The following GPC3 variants were observed in gnomAD, a reference collection of about 807,000 sequenced individuals.
The protein encoded by GPC3 is glypican-3.
In GPC3, 3 loss-of-function variants were observed where a neutral mutation model predicts 34.4. The ratio of observed to expected loss-of-function variants is 0.09; its 90% CI spans 0.04 to 0.23. The LOEUF is 0.23. Among genes scored for constraint, GPC3 ranks in the 10% least tolerant of loss-of-function variants. The pLI is 1.00. For missense variants in GPC3, 351 were observed against 445.6 expected (o/e 0.79, Z 1.91); for synonymous variants, 177 against 174.0 (o/e 1.02, Z -0.13).
intron 2 of GPC3, among the ~76,000 whole-genome samples, chrX:133,908,163 C>T (rs2076178596): frequency 9.0e-6 from 1 of 111,446 alleles, no homozygotes; most frequent in Admixed American, 9.6e-5. Flanking sequence ...GGCCAAAAAA[C>T]AAAAAGCACC....
rs778326133 is a variant in GPC3 at position 133,643,831 on chromosome X, G to GTTTTTTTTTTTTTTT, written c.1413+17898_1413+17899insAAAAAAAAAAAAAAA. Among the ~76,000 whole-genome samples the GTTTTTTTTTTTTTTT allele has an allele frequency of 1.4e-4, 14 of 96,986 alleles. 2 individuals are homozygous for GTTTTTTTTTTTTTTT. Among genetic ancestry groups the GTTTTTTTTTTTTTTT allele is most frequent in the African/African-American group, 5.6e-4 (14 of 25,055 alleles). The allele number at this position is 96,986 out of a possible 115,157, so 84.2% of individuals were successfully genotyped here. On this transcript the variant is annotated intron_variant, in intron 6 of 7. Coordinates refer to ENST00000370818, the MANE Select transcript of GPC3 (RefSeq NM_004484.4). ...ACATTTGGATTGCTTTTGTTTTTAT[G>GTTTTTTTTTTTTTTT]TTTTTTTTTTTTTTGAGACGGGGTT...
At chrX:133,600,192 T>C (rs2069965500) in intron 6 of GPC3, among the ~76,000 whole-genome samples, 1 of 112,034 alleles carries the variant, frequency 8.9e-6, no homozygotes, top group African/African-American at 3.2e-5. Flanking sequence ...GCTATTGAAC[T>C]GAAGCAAAAT....
intron 2 of GPC3, among the ~76,000 whole-genome samples, chrX:133,910,399 G>A (rs1360970998): frequency 9.0e-6 from 1 of 111,094 alleles, no homozygotes. Context: ...ATATAACCAT[G>A]TATATAACAG....
intron 2 of GPC3, among the ~76,000 whole-genome samples, chrX:133,933,145 T>C (rs990599754): frequency 4.5e-5 from 5 of 111,200 alleles, no homozygotes; most frequent in African/African-American, 1.6e-4. Context: ...ATCTACCATA[T>C]ATATCTACCT....
At chrX:133,926,786 GC>G (rs1256386599) in intron 2 of GPC3, among the ~76,000 whole-genome samples, 2 of 46,707 alleles carry the variant, frequency 4.3e-5, no homozygotes, top group African/African-American at 1.7e-4. Flanking sequence ...TCCCCCCTCC[GC>G]CCCCCTGCCA....
chrX:133,831,708 A>G (rs1472804609), intron 2 of GPC3, among the ~76,000 whole-genome samples: 1 of 111,678 alleles, frequency 9.0e-6, no homozygotes, highest in Non-Finnish European at 1.9e-5. Flanking sequence ...CTGTCTCAAA[A>G]CAAAACAAAA....
intron 2 of GPC3, among the ~76,000 whole-genome samples, chrX:133,771,445 T>C (rs2071919082): frequency 8.9e-6 from 1 of 112,111 alleles, no homozygotes; most frequent in Admixed American, 9.4e-5. Context: ...CCTGGAGACA[T>C]CCCCAATTCC....
chrX:133,804,290 T>TG (rs773959409), intron 2 of GPC3, among the ~76,000 whole-genome samples: 1 of 111,296 alleles, frequency 9.0e-6, no homozygotes, highest in Non-Finnish European at 1.9e-5. Flanking sequence ...CGGAATGGCC[T>TG]GGGGAGCTTG....
At position 133,584,944 on chromosome X, in the gene GPC3, A is replaced by C. The variant is rs185547692; in HGVS notation, c.1573+11496T>G. On this transcript the variant is annotated intron_variant, in intron 7 of 7. Transcript: ENST00000370818. ...TTATAAAAAGCCAAAAAAAAAAAAA[A>C]AACAAAAAAACAAAAAACAGACTAA... Among the ~76,000 whole-genome samples the C allele has an allele frequency of 1.2e-3, 136 of 109,866 alleles. 1 individual carries two copies. The highest frequency in any genetic ancestry group is 4.2e-3 in the African/African-American group (124 of 29,843).
At chrX:133,739,722 A>G (rs1252381305) in intron 3 of GPC3, among the ~76,000 whole-genome samples, 2 of 110,033 alleles carry the variant, frequency 1.8e-5, no homozygotes, top group Non-Finnish European at 3.8e-5. Context: ...AAAACAAAAC[A>G]AAAATTAGCC....
chrX:133,721,140 C>T (rs1186395207), intron 3 of GPC3, among the ~76,000 whole-genome samples: 3 of 107,836 alleles, frequency 2.8e-5, no homozygotes, highest in Non-Finnish European at 5.7e-5. Flanking sequence ...AACACCCAAA[C>T]CAAGCAGACA....
At chrX:133,977,148 T>C (rs1382291515) in intron 1 of GPC3, among the ~76,000 whole-genome samples, 1 of 110,878 alleles carries the variant, frequency 9.0e-6, no homozygotes, top group Non-Finnish European at 1.9e-5. Flanking sequence ...ACTATGTCTT[T>C]AGGTGTTTAT....
chrX:133,556,002 T>C (rs905957610), intron 7 of GPC3, among the ~76,000 whole-genome samples: 1 of 111,090 alleles, frequency 9.0e-6, no homozygotes, highest in Non-Finnish European at 1.9e-5. Context: ...TCCTTTTTCA[T>C]CCTCCAGCTG....
intron 7 of GPC3, among the ~76,000 whole-genome samples, chrX:133,553,649 T>C (rs923955941): frequency 4.5e-5 from 5 of 111,610 alleles, no homozygotes; most frequent in Non-Finnish European, 7.5e-5. Context: ...ACAGGGCTTT[T>C]CCCAAACCAT....
intron 2 of GPC3, among the ~76,000 whole-genome samples, chrX:133,909,714 C>T (rs1300389694): frequency 9.0e-6 from 1 of 111,628 alleles, no homozygotes; most frequent in East Asian, 2.8e-4. Flanking sequence ...CCTATTCCCT[C>T]AAACCATCAG....
intron 7 of GPC3, among the ~76,000 whole-genome samples, chrX:133,565,757 G>C (rs1321580977): frequency 8.9e-6 from 1 of 112,338 alleles, no homozygotes; most frequent in Non-Finnish European, 1.9e-5. Context: ...CCTTAATAGA[G>C]TTATGCTTTT....
chrX:133,666,730 T>C (rs2070771815), intron 5 of GPC3, among the ~76,000 whole-genome samples: 1 of 112,290 alleles, frequency 8.9e-6, no homozygotes, highest in Non-Finnish European at 1.9e-5. Flanking sequence ...TAGATCTGTA[T>C]GTGTTGATAT....
At chrX:133,812,754 A>T (rs746250965) in intron 2 of GPC3, among the ~76,000 whole-genome samples, 1 of 112,487 alleles carries the variant, frequency 8.9e-6, no homozygotes, top group Admixed American at 9.4e-5. Context: ...ACTAAATGTG[A>T]TAAACACAAG....
At chrX:133,673,546 A>G (rs1481478777) in intron 5 of GPC3, among the ~76,000 whole-genome samples, 1 of 112,398 alleles carries the variant, frequency 8.9e-6, no homozygotes, top group Non-Finnish European at 1.9e-5. Context: ...GTAAGAGATT[A>G]AGTTCGGTTT....
Sources: allele counts gnomAD v4.1 joint callset (sites outside exome capture counted in the v4.1 genomes callset), GRCh38; gene constraint gnomAD v4.1.1; transcripts MANE v1.5; gene names NCBI Gene and HGNC (gene_info 2026-07-23, HGNC 2026-07-21).